Variants in HLA-DRB5 observed in about 807,000 individuals in gnomAD.
The protein encoded by HLA-DRB5 is major histocompatibility complex, class II, DR beta 5.
In HLA-DRB5, 11 loss-of-function variants were observed where a neutral mutation model predicts 22.4. The ratio of observed to expected loss-of-function variants is 0.49; its 90% CI spans 0.31 to 0.81. The LOEUF (loss-of-function observed/expected upper bound fraction) is 0.81. HLA-DRB5 is among the 40% of genes least tolerant of loss of function. HLA-DRB5 has a pLI of 0.05. For synonymous variants in HLA-DRB5, 57 were observed against 106.0 expected, an observed-to-expected ratio of 0.54 and a Z score of 2.84; for missense variants, 106 against 274.4, an observed-to-expected ratio of 0.39 and a Z score of 4.34.
intron 2 of HLA-DRB5, among the ~76,000 whole-genome samples, chr6:32,520,727 A>G (rs114193109): frequency 0.43 from 15,456 of 36,200 alleles, 5,601 homozygotes; most frequent in Middle Eastern, 0.5. Context: ...CCACAAAATG[A>G]TAGATTTAAG....
rs111932382 is a variant in HLA-DRB5 at position 32,517,550 on chromosome 6, G to A, written c.*189C>T. On this transcript the variant is annotated 3_prime_UTR_variant, in exon 6 of 6. Transcript: ENST00000374975. ...AAGATGAGGCACTGCCATCAATGCT[G>A]GGACTTCAGGCCAAGGGCAGGAGCT... is the stretch of plus-strand genomic sequence containing the variant. 3.1e-3 allele frequency: 523 copies of A among 171,286 alleles called. No individual in the cohort carries two copies. The highest frequency in any genetic ancestry group is 6.2e-3 in the Admixed American group (51 of 8,162). 10.6% of individuals were successfully genotyped at this position (171,286 alleles called of 1,614,324 possible).
chr6:32,526,122 C>T (rs1410572470), intron 1 of HLA-DRB5, among the ~76,000 whole-genome samples: 3,999 of 73,904 alleles, frequency 0.054, 1 homozygote, highest in Non-Finnish European at 0.069. Context: ...CAACCTTAAC[C>T]TTGTCCTCTC....
chr6:32,522,907 ACG>A (rs767954048), intron 1 of HLA-DRB5, among the ~76,000 whole-genome samples: 62 of 39,320 alleles, frequency 1.6e-3, no homozygotes, highest in South Asian at 3.0e-3. Flanking sequence ...TTTGGGCAAA[ACG>A]GGGGAAGCAC....
In HLA-DRB5 at chr6:32,520,063, G is replaced by T. The variant is rs114291341; in HGVS notation, c.371-412C>A. ...TCACCCATAATAGAGGATAATTATA[G>T]TAATTTACCTCTTGGGGTTATATGA... On this transcript the variant is annotated intron_variant, in intron 2 of 5. Coordinates refer to ENST00000374975, the MANE Select transcript of HLA-DRB5 (RefSeq NM_002125.4). Among the ~76,000 whole-genome samples, 280 of 32,652 alleles carry T rather than the reference G, an allele frequency of 8.6e-3. 29 individuals are homozygous for T. Among genetic ancestry groups the T allele is most frequent in the Middle Eastern group, 0.022 (1 of 46 alleles). The allele number at this position is 32,652 out of a possible 152,430, so 21.4% of individuals were successfully genotyped here. A position where few individuals can be genotyped will look rare whatever the true frequency, so the allele number is the denominator to read the frequency against.
chr6:32,530,001 A>T, intron 1 of HLA-DRB5, 124 bp downstream of exon 1: 2 of 631,352 alleles, frequency 3.2e-6, no homozygotes, highest in Non-Finnish European at 5.6e-6. Flanking sequence ...ATCCCATGAT[A>T]AAGATGGGCA....
chr6:32,520,438 A>C (rs115312361), intron 2 of HLA-DRB5, among the ~76,000 whole-genome samples: 18,391 of 61,312 alleles, frequency 0.3, 4,228 homozygotes, highest in Admixed American at 0.38. Flanking sequence ...AGCATGAGTC[A>C]TAAAGCAGAG....
In HLA-DRB5 at chr6:32,530,231, G is replaced by A; in HGVS notation, c.-7C>T. 2 of 1,459,040 alleles carry A rather than the reference G, an allele frequency of 1.4e-6. No individual in the cohort carries two copies. Among genetic ancestry groups the A allele is most frequent in the Non-Finnish European group, 9.5e-7 (1 of 1,054,916 alleles). 90.4% of individuals were successfully genotyped at this position (1,459,040 alleles called of 1,614,324 possible). A position where few individuals can be genotyped will look rare whatever the true frequency, so the allele number is the denominator to read the frequency against. On this transcript the variant is annotated 5_prime_UTR_variant, in exon 1 of 6. Coordinates refer to ENST00000374975, the MANE Select transcript of HLA-DRB5 (RefSeq NM_002125.4). ...GGAGCTTCAGACACACCATGCTGGAGAACAGGACAGGACCAGGGGCCAGAG... is the reference window on the plus strand; with the variant it reads ...GGAGCTTCAGACACACCATGCTGGAAAACAGGACAGGACCAGGGGCCAGAG...
rs1064594 is a variant in HLA-DRB5 at position 32,521,972 on chromosome 6, G to C, written c.303C>G (p.Arg101=). The stretch of plus-strand genomic sequence containing the variant: ...GTCTGCAGTAGGTGTCCACCGCGGC[G>C]CGCCTGTCTTCCAGGAAGTCCTTCT... ...NSQKDFLEDR[R]AAVDTYCRHN... is the part of the protein sequence containing the mutation. Residue 101 remains arginine (R), a synonymous_variant, in exon 2 of 6, where the codon CGC becomes CGG. Transcript: ENST00000374975. 784,246 of 1,110,870 alleles carry C rather than the reference G, an allele frequency of 0.71. 286,491 individuals are homozygous for C. Among genetic ancestry groups the C allele is most frequent in the Admixed American group, 0.76 (33,564 of 44,156 alleles). 68.8% of individuals were successfully genotyped at this position (1,110,870 alleles called of 1,614,324 possible). A position where few individuals can be genotyped will look rare whatever the true frequency, so the allele number is the denominator to read the frequency against.
chr6:32,529,072 A>G (rs112412828), intron 1 of HLA-DRB5, among the ~76,000 whole-genome samples: 15,207 of 101,514 alleles, frequency 0.15, 175 homozygotes, highest in Non-Finnish European at 0.16. Flanking sequence ...AGAGGTAAGC[A>G]GACATGGCTA....
intron 1 of HLA-DRB5, among the ~76,000 whole-genome samples, chr6:32,525,644 T>A (rs112935374): frequency 1.4e-5 from 1 of 70,548 alleles, no homozygotes; most frequent in African/African-American, 5.7e-5. Context: ...ATCTGATTTC[T>A]AGCACCAAAT....
intron 2 of HLA-DRB5, among the ~76,000 whole-genome samples, chr6:32,520,761 A>T (rs1199003187): frequency 0.11 from 4,878 of 46,368 alleles, 873 homozygotes; most frequent in South Asian, 0.13. Flanking sequence ...CATTAATAAA[A>T]GTTTTGGAAT....
intron 1 of HLA-DRB5, among the ~76,000 whole-genome samples, chr6:32,523,741 C>A (rs75887920): frequency 0.59 from 56,203 of 95,530 alleles, 18,204 homozygotes; most frequent in Middle Eastern, 0.75. Flanking sequence ...CAACTGTCTA[C>A]TTTTGCATAA....
chr6:32,520,563 A>G (rs111986096), intron 2 of HLA-DRB5, among the ~76,000 whole-genome samples: 56,387 of 77,178 alleles, frequency 0.73, 23,865 homozygotes, highest in Admixed American at 0.79. Context: ...ATTGTAAAAT[A>G]ATTTTTCTTT....
chr6:32,522,371 C>T lies in HLA-DRB5; in HGVS notation c.101-197G>A, dbSNP rs1303653338. 4.8e-3 allele frequency among the ~76,000 whole-genome samples: 139 copies of T among 29,000 alleles called. 4 individuals are homozygous for T. Among genetic ancestry groups the T allele is most frequent in the Admixed American group, 7.6e-3 (16 of 2,092 alleles). 19.0% of individuals were successfully genotyped at this position (29,000 alleles called of 152,430 possible). A position where few individuals can be genotyped will look rare whatever the true frequency, so the allele number is the denominator to read the frequency against. ...CGAACGGGGTGTCTGGGGGACCAGG[C>T]AGGAAAACCCCTTCTGATCCCAAGG... On this transcript the variant is annotated intron_variant, in intron 1 of 5. Transcript: ENST00000374975.
At chr6:32,522,348 A>G (rs537281852) in intron 1 of HLA-DRB5, among the ~76,000 whole-genome samples, 174 bp from the exon 2 acceptor site, 311 of 30,546 alleles carry the variant, frequency 0.01, 62 homozygotes, top group Admixed American at 0.017. Flanking sequence ...TCCTGAGGCG[A>G]ACGGGGTGTC....
At position 32,530,231 on chromosome 6, in the gene HLA-DRB5, G is replaced by C; in HGVS notation, c.-7C>G. The C allele has an allele frequency of 6.9e-7, 1 of 1,459,036 alleles. No individual in the cohort carries two copies. The highest frequency in any genetic ancestry group is 9.5e-7 in the Non-Finnish European group (1 of 1,054,912). 90.4% of individuals were successfully genotyped at this position (1,459,036 alleles called of 1,614,324 possible). A position where few individuals can be genotyped will look rare whatever the true frequency, so the allele number is the denominator to read the frequency against. On this transcript the variant is annotated 5_prime_UTR_variant, in exon 1 of 6. Coordinates refer to ENST00000374975, the MANE Select transcript of HLA-DRB5 (RefSeq NM_002125.4). ...GGAGCTTCAGACACACCATGCTGGAGAACAGGACAGGACCAGGGGCCAGAG... is the reference window on the plus strand; with the variant it reads ...GGAGCTTCAGACACACCATGCTGGACAACAGGACAGGACCAGGGGCCAGAG...
intron 1 of HLA-DRB5, among the ~76,000 whole-genome samples, chr6:32,525,636 CT>C (rs1184037944): frequency 0.018 from 1,544 of 85,838 alleles, 16 homozygotes; most frequent in Non-Finnish European, 0.023. Context: ...AAACTGCAAT[CT>C]GATTTCTAGC....
chr6:32,520,369 G>A (rs113183253), intron 2 of HLA-DRB5, among the ~76,000 whole-genome samples: 20,362 of 60,004 alleles, frequency 0.34, 2,339 homozygotes, highest in Middle Eastern at 0.43. Context: ...AGAAATGGTT[G>A]TGCCCCTGGG....
rs543565508 is a variant in HLA-DRB5, at chr6:32,522,592, C to T, written c.101-418G>A. Among the ~76,000 whole-genome samples the T allele has an allele frequency of 7.2e-3, 232 of 32,080 alleles. 7 individuals carry two copies. The highest frequency in any genetic ancestry group is 0.013 in the Admixed American group (31 of 2,370). The allele number at this position is 32,080 out of a possible 152,430, so 21.0% of individuals were successfully genotyped here. ...CCACCGCGTTCATCCTGTGAACACT[C>T]CTTTAGTGATGACCTTGTGCCAGGC... On this transcript the variant is annotated intron_variant, in intron 1 of 5. Coordinates refer to ENST00000374975, the MANE Select transcript of HLA-DRB5 (RefSeq NM_002125.4).
Sources: allele counts gnomAD v4.1 joint callset (sites outside exome capture counted in the v4.1 genomes callset), GRCh38; gene constraint gnomAD v4.1.1; transcripts MANE v1.5; gene names NCBI Gene and HGNC (gene_info 2026-07-23, HGNC 2026-07-21).